The following KCND2 variants were observed in gnomAD, a reference collection of about 807,000 sequenced individuals.
KCND2 encodes the protein A-type voltage-gated potassium channel KCND2.
Under a neutral mutation model 54.4 loss-of-function variants are expected in KCND2, and 16 were observed. The observed-to-expected ratio is 0.29, with a 90% CI of 0.20 to 0.45. The LOEUF (loss-of-function observed/expected upper bound fraction) is 0.45, where lower values mean the gene tolerates loss of function less well. KCND2 is among the 20% of genes least tolerant of loss of function. The pLI is 1.00. For synonymous variants in KCND2, 317 were observed against 310.7 expected (o/e 1.02, Z -0.21); for missense variants, 486 against 824.2 (o/e 0.59, Z 5.02).
intron 1 of KCND2, among the ~76,000 whole-genome samples, chr7:120,433,549 G>A (rs144936184): frequency 2.6e-5 from 4 of 152,308 alleles, no homozygotes; most frequent in Non-Finnish European, 4.4e-5. Context: ...TTATAAGCCT[G>A]TCTTGAACTT....
intron 1 of KCND2, among the ~76,000 whole-genome samples, chr7:120,534,340 C>T (rs540878509): frequency 2.0e-5 from 3 of 152,234 alleles, no homozygotes; most frequent in Non-Finnish European, 2.9e-5. Context: ...CCTAACCCTC[C>T]TTACCTAACC....
intron 1 of KCND2, among the ~76,000 whole-genome samples, chr7:120,359,773 C>T (rs933681136): frequency 6.6e-6 from 1 of 151,988 alleles, no homozygotes; most frequent in Non-Finnish European, 1.5e-5. Context: ...GAAGGAGGGA[C>T]CAGAAGGGAG....
chr7:120,501,879 A>G (rs1802940535), intron 1 of KCND2, among the ~76,000 whole-genome samples: 1 of 152,112 alleles, frequency 6.6e-6, no homozygotes, highest in Non-Finnish European at 1.5e-5. Flanking sequence ...GACTAGAAGA[A>G]AAATGTTTTG....
chr7:120,614,247 A>G (rs985713188), intron 1 of KCND2, among the ~76,000 whole-genome samples: 2 of 152,176 alleles, frequency 1.3e-5, no homozygotes, highest in African/African-American at 4.8e-5. Flanking sequence ...TCCTGACCTC[A>G]GGTGAGCCGC....
chr7:120,298,630 A>G (rs1799543087), intron 1 of KCND2, among the ~76,000 whole-genome samples: 1 of 152,224 alleles, frequency 6.6e-6, no homozygotes, highest in Non-Finnish European at 1.5e-5. Context: ...TGATTTAAAC[A>G]TTTATTTTAG....
chr7:120,616,960 A>G (rs1364883265), intron 1 of KCND2, among the ~76,000 whole-genome samples: 1 of 152,198 alleles, frequency 6.6e-6, no homozygotes, highest in African/African-American at 2.4e-5. Context: ...CATTAGCACA[A>G]ACAACTGATC....
At chr7:120,574,841 CTATG>C (rs2116431895) in intron 1 of KCND2, among the ~76,000 whole-genome samples, 1 of 152,078 alleles carries the variant, frequency 6.6e-6, no homozygotes, top group South Asian at 2.1e-4. Flanking sequence ...TTTGGGCAAT[CTATG>C]TATGATGGTT....
At position 120,709,004 on chromosome 7, in the gene KCND2, A is replaced by G. The variant is rs534325058; in HGVS notation, c.1116-23899A>G. ...TAAGGCCATAAGTAAGTGGCAAAAC[A>G]TCATCAAATCAAATTCTCTGTGTAT... On this transcript the variant is annotated intron_variant, in intron 1 of 5. Coordinates refer to ENST00000331113, the MANE Select transcript of KCND2 (RefSeq NM_012281.3). Among the ~76,000 whole-genome samples, 129 of 152,236 alleles carry G rather than the reference A, an allele frequency of 8.5e-4. 3 individuals are homozygous for G. The highest frequency in any genetic ancestry group is 2.9e-3 in the African/African-American group (120 of 41,568).
chr7:120,392,358 C>T (rs1375625153), intron 1 of KCND2, among the ~76,000 whole-genome samples: 2 of 151,290 alleles, frequency 1.3e-5, no homozygotes, highest in Admixed American at 1.3e-4. Flanking sequence ...TGATGCCTCA[C>T]ACTTCTTTCT....
At chr7:120,480,222 T>G (rs1802586872) in intron 1 of KCND2, among the ~76,000 whole-genome samples, 1 of 152,138 alleles carries the variant, frequency 6.6e-6, no homozygotes, top group African/African-American at 2.4e-5. Context: ...ATTCTCAATA[T>G]GAATTTTCTG....
At chr7:120,343,268 T>A (rs1800268223) in intron 1 of KCND2, among the ~76,000 whole-genome samples, 1 of 152,098 alleles carries the variant, frequency 6.6e-6, no homozygotes, top group Non-Finnish European at 1.5e-5. Flanking sequence ...TGCTTATGGA[T>A]GAACTAGCTA....
At chr7:120,680,427 T>G (rs1363944788) in intron 1 of KCND2, among the ~76,000 whole-genome samples, 1 of 152,120 alleles carries the variant, frequency 6.6e-6, no homozygotes, top group African/African-American at 2.4e-5. Flanking sequence ...AACTGTTTCA[T>G]CGCCGTATAA....
At chr7:120,299,949 CTTG>C (rs1157988762) in intron 1 of KCND2, among the ~76,000 whole-genome samples, 2 of 151,970 alleles carry the variant, frequency 1.3e-5, no homozygotes, top group Non-Finnish European at 2.9e-5. Flanking sequence ...ACTTTTCTGC[CTTG>C]TTGTAGAAAT....
chr7:120,404,439 A>G (rs1221903385), intron 1 of KCND2, among the ~76,000 whole-genome samples: 2 of 152,182 alleles, frequency 1.3e-5, no homozygotes, highest in South Asian at 2.1e-4. Context: ...AAAGCTGTTT[A>G]TAGCTTGTTG....
chr7:120,626,700 A>G (rs750439619), intron 1 of KCND2, among the ~76,000 whole-genome samples: 5 of 152,232 alleles, frequency 3.3e-5, no homozygotes, highest in Non-Finnish European at 7.3e-5. Context: ...TTCAATATGC[A>G]AATCTGATTC....
chr7:120,504,812 C>T (rs1053439051), intron 1 of KCND2, among the ~76,000 whole-genome samples: 2 of 151,338 alleles, frequency 1.3e-5, no homozygotes, highest in East Asian at 1.9e-4. Context: ...TTTTTTGTAC[C>T]TGTGGTAAGT....
chr7:120,713,260 G>A (rs1792563636), intron 1 of KCND2, among the ~76,000 whole-genome samples: 1 of 152,110 alleles, frequency 6.6e-6, no homozygotes, highest in Non-Finnish European at 1.5e-5. Context: ...CAGCCTCCAA[G>A]AGCAGAGTCT....
chr7:120,340,800 ACT>A (rs940062420), intron 1 of KCND2, among the ~76,000 whole-genome samples: 17 of 152,158 alleles, frequency 1.1e-4, no homozygotes, highest in Admixed American at 2.0e-4. Flanking sequence ...AATGGTCAAC[ACT>A]CTCTAGCTAT....
rs997046347 is a variant in KCND2, at chr7:120,638,562, T to C, written c.1116-94341T>C. Among the ~76,000 whole-genome samples, 4 of 152,102 alleles carry C rather than the reference T, an allele frequency of 2.6e-5. No homozygotes were observed. The South Asian group carries it at 6.2e-4, about 24-fold the overall frequency. On this transcript the variant is annotated intron_variant, in intron 1 of 5. Transcript: ENST00000331113. ...TCTCAAGGGTGAAATTTTATGTGGATCCTAAAATAGTGTCTTGGAAAAAAT... is the reference window on the plus strand; with the variant it reads ...TCTCAAGGGTGAAATTTTATGTGGACCCTAAAATAGTGTCTTGGAAAAAAT...
Sources: allele counts gnomAD v4.1 joint callset (sites outside exome capture counted in the v4.1 genomes callset), GRCh38; gene constraint gnomAD v4.1.1; transcripts MANE v1.5; gene names NCBI Gene and HGNC (gene_info 2026-07-23, HGNC 2026-07-21).